IL9R: variants seen among roughly 807,000 people sequenced by gnomAD.
The protein encoded by IL9R is interleukin-9 receptor.
IL9R carries 54 observed loss-of-function variants against 56.3 expected under a neutral mutation model. The ratio of observed to expected loss-of-function variants is 0.96; its 90% CI spans 0.77 to 1.20. IL9R has a LOEUF of 1.20. Ranked by LOEUF, IL9R falls within the 50% of genes most tolerant of loss-of-function variation. The pLI, the probability that IL9R is intolerant of heterozygous loss-of-function variation, is 0.00. For synonymous variants in IL9R, 212 were observed against 250.2 expected, an observed-to-expected ratio of 0.85 and a Z score of 1.44; for missense variants, 545 against 629.8, an observed-to-expected ratio of 0.87 and a Z score of 1.44.
chrX:155,999,587 G>A (rs2067374561), intron 1 of IL9R, among the ~76,000 whole-genome samples: 1 of 152,118 alleles, frequency 6.6e-6, no homozygotes, highest in African/African-American at 2.4e-5. Flanking sequence ...CTGTGCTGAA[G>A]GAAGTCCTCA....
chrX:156,009,241 G>GTGTGTCTGTCT (rs1377556588), intron 8 of IL9R, among the ~76,000 whole-genome samples: 6 of 26,688 alleles, frequency 2.2e-4, no homozygotes, highest in African/African-American at 1.5e-3. Context: ...GTGTTCGTGT[G>GTGTGTCTGTCT]GTGTGTGTGT....
At position 156,008,632 on chromosome X, in the gene IL9R, G is replaced by A. The variant is rs190007065; in HGVS notation, c.972+1025G>A. 4.7e-4 allele frequency among the ~76,000 whole-genome samples: 71 copies of A among 152,174 alleles called. No individual in the cohort carries two copies. The East Asian group carries it at 0.013, about 27-fold the overall frequency. The stretch of plus-strand genomic sequence containing the variant: ...CCTAGAGAACTAGGACACCTGCCAC[G>A]GGTTATTTAGACCTGCGGGTGAGGA... On this transcript the variant is annotated intron_variant, in intron 8 of 8. Coordinates refer to ENST00000244174, the MANE Select transcript of IL9R (RefSeq NM_002186.3).
chrX:155,999,508 G>C lies in IL9R; in HGVS notation c.28+1721G>C, dbSNP rs758062991. Among the ~76,000 whole-genome samples, 29 of 152,020 alleles carry C rather than the reference G, an allele frequency of 1.9e-4. No individual in the cohort carries two copies. The South Asian group carries it at 6.0e-3, about 32-fold the overall frequency. The stretch of plus-strand genomic sequence containing the variant: ...TGGCCTTTCAGACCCCATCCCTCCT[G>C]CCTCCTGCCCATCCCTACCCCTGTC... On this transcript the variant is annotated intron_variant, in intron 1 of 8. Coordinates refer to ENST00000244174, the MANE Select transcript of IL9R (RefSeq NM_002186.3).
chrX:156,001,708 C>T (rs1471332121), intron 1 of IL9R, among the ~76,000 whole-genome samples: 4 of 152,036 alleles, frequency 2.6e-5, no homozygotes, highest in Non-Finnish European at 5.9e-5. Flanking sequence ...CCAGGCTGGC[C>T]CTGCTTCCTG....
At chrX:156,002,855 C>A (rs1277117420) in intron 1 of IL9R, 51 bp from the exon 2 acceptor site, 1 of 1,612,130 alleles carries the variant, frequency 6.2e-7, no homozygotes, top group Admixed American at 1.7e-5. Flanking sequence ...TGGGGAGCAC[C>A]CCTCCAGAGA....
At position 156,001,299 on chromosome X, in the gene IL9R, A is replaced by C. The variant is rs1025890519; in HGVS notation, c.29-1607A>C. Reference sequence around the variant, plus strand: ...CATTCTGGGGCCTGGGTCAGCTCTCAGCTGTGGCCGTTGTGCCTGTGCTTC... The same window carrying C: ...CATTCTGGGGCCTGGGTCAGCTCTCCGCTGTGGCCGTTGTGCCTGTGCTTC... On this transcript the variant is annotated intron_variant, in intron 1 of 8. Transcript: ENST00000244174. 46 of 814,986 alleles carry C rather than the reference A, an allele frequency of 5.6e-5. No individual in the cohort carries two copies. In the Admixed American group the frequency reaches 6.0e-4, roughly 11 times the overall value. The allele number at this position is 814,986 out of a possible 1,614,324, so 50.5% of individuals were successfully genotyped here.
At chrX:156,004,153 T>C in intron 4 of IL9R, 1 of 598,868 alleles carries the variant, frequency 1.7e-6, no homozygotes, top group Non-Finnish European at 3.0e-6. Context: ...TCCAATAAGA[T>C]GCTGGGAAAA....
At chrX:156,004,372 A>G (rs746549802) in intron 4 of IL9R, 48 bp from the exon 5 acceptor site, 6 of 1,607,678 alleles carry the variant, frequency 3.7e-6, no homozygotes, top group Non-Finnish European at 5.1e-6. Context: ...TGACTGACAC[A>G]CCCAGACCCA....
intron 1 of IL9R, among the ~76,000 whole-genome samples, chrX:155,998,561 C>A (rs757551082): frequency 6.6e-6 from 1 of 151,948 alleles, no homozygotes; most frequent in Non-Finnish European, 1.5e-5. Context: ...GCAGGGCAGG[C>A]GTTTTAATTA....
chrX:155,998,902 C>T (rs2067318835), intron 1 of IL9R, among the ~76,000 whole-genome samples: 1 of 152,084 alleles, frequency 6.6e-6, no homozygotes, highest in Non-Finnish European at 1.5e-5. Flanking sequence ...GTGGGTACCT[C>T]TTCACCAAGA....
intron 2 of IL9R, 114 bp downstream of exon 2, chrX:156,003,133 G>T: frequency 6.7e-6 from 9 of 1,336,750 alleles, no homozygotes; most frequent in East Asian, 2.3e-5. Flanking sequence ...AAACTGTGCT[G>T]GGGCATGTCC....
At position 156,006,073 on chromosome X, in the gene IL9R, C is replaced by T. The variant is rs759305519; in HGVS notation, c.782-10C>T. The T allele has an allele frequency of 4.4e-6, 7 of 1,584,348 alleles. 1 individual carries two copies. Among genetic ancestry groups the T allele is most frequent in the South Asian group, 2.2e-5 (2 of 90,450 alleles). ...GGCTGCTCACAGCCCTGGGCCCTTCCTGTCCACAGGCCCTCTGATCCCACC... is the reference window on the plus strand; with the variant it reads ...GGCTGCTCACAGCCCTGGGCCCTTCTTGTCCACAGGCCCTCTGATCCCACC... On this transcript the variant is annotated splice_polypyrimidine_tract_variant and intron_variant, in intron 6 of 8. Transcript: ENST00000244174.
chrX:156,009,266 T>TA (rs2068295603), intron 8 of IL9R, among the ~76,000 whole-genome samples: 2 of 32,746 alleles, frequency 6.1e-5, no homozygotes, highest in Non-Finnish European at 6.6e-5. Flanking sequence ...GTGTGTGTGT[T>TA]TGTGTGTGTA....
intron 8 of IL9R, among the ~76,000 whole-genome samples, chrX:156,008,690 T>C (rs1426495343): frequency 1.3e-5 from 2 of 152,302 alleles, no homozygotes; most frequent in Non-Finnish European, 1.5e-5. Flanking sequence ...CAGGGAGCAC[T>C]GCAGTGATGG....
chrX:156,002,610 C>T lies in IL9R; in HGVS notation c.29-296C>T, dbSNP rs770543128. 1.8e-3 allele frequency among the ~76,000 whole-genome samples: 278 copies of T among 152,300 alleles called. 2 individuals are homozygous for T. Among genetic ancestry groups the T allele is most frequent in the Non-Finnish European group, 2.1e-3 (141 of 68,026 alleles). On this transcript the variant is annotated intron_variant, in intron 1 of 8. Transcript: ENST00000244174. ...TGACTGTCCCAGAGAGGAGTCTTCTCGGCAGATGTGGAGACCTAGCTGAGT... is the reference window on the plus strand; with the variant it reads ...TGACTGTCCCAGAGAGGAGTCTTCTTGGCAGATGTGGAGACCTAGCTGAGT...
At chrX:156,004,608 A>T in intron 5 of IL9R, 43 bp downstream of exon 5, 1 of 1,602,060 alleles carries the variant, frequency 6.2e-7, no homozygotes, top group Non-Finnish European at 8.5e-7. Context: ...CTCTCCTGGG[A>T]ACAGCAGTCC....
intron 1 of IL9R, among the ~76,000 whole-genome samples, chrX:156,000,754 C>T (rs2067465084): frequency 1.3e-5 from 2 of 152,214 alleles, no homozygotes; most frequent in African/African-American, 4.8e-5. Flanking sequence ...GGCAGCTCTG[C>T]CTGCAGCTCC....
At chrX:156,004,842 ACT>A (rs1295809381) in intron 5 of IL9R, among the ~76,000 whole-genome samples, 1 of 151,708 alleles carries the variant, frequency 6.6e-6, no homozygotes, top group Non-Finnish European at 1.5e-5. Context: ...AACTGTGCAC[ACT>A]CATGTTTGTG....
intron 1 of IL9R, chrX:156,001,293 G>A (rs2067504329): frequency 1.1e-5 from 9 of 798,134 alleles, no homozygotes; most frequent in Non-Finnish European, 2.0e-5. Flanking sequence ...GCCTGGGTCA[G>A]CTCTCAGCTG....
Sources: allele counts gnomAD v4.1 joint callset (sites outside exome capture counted in the v4.1 genomes callset), GRCh38; gene constraint gnomAD v4.1.1; transcripts MANE v1.5; gene names NCBI Gene and HGNC (gene_info 2026-07-23, HGNC 2026-07-21).